SORBS2: variants seen among roughly 807,000 people sequenced by gnomAD.
SORBS2 encodes sorbin and SH3 domain containing 2, also known as sorbin and SH3 domain-containing protein 2.
A neutral mutation model predicts 97.7 loss-of-function variants in SORBS2; 46 were observed. The ratio of observed to expected loss-of-function variants is 0.47; its 90% CI spans 0.37 to 0.60. SORBS2 has a LOEUF of 0.60. SORBS2 is among the 20% of genes least tolerant of loss of function. The pLI, the probability that SORBS2 is intolerant of heterozygous loss-of-function variation, is 0.00. For synonymous variants in SORBS2, 476 were observed against 473.4 expected, an observed-to-expected ratio of 1.01 and a Z score of -0.07; for missense variants, 1,316 against 1,282.3, an observed-to-expected ratio of 1.03 and a Z score of -0.40.
At position 185,769,583 on chromosome 4, in the gene SORBS2, C is replaced by G. The variant is rs111969100; in HGVS notation, c.-198+5644G>C. ...TCGGCTCACGGCAACCTGTGCCTCC[C>G]GGGTTCAAGCAATTCTCCTGCCTCA... On this transcript the variant is annotated intron_variant, in intron 2 of 20. Coordinates refer to the SORBS2 transcript ENST00000284776. Among the ~76,000 whole-genome samples the G allele has an allele frequency of 5.4e-3, 817 of 152,242 alleles. 6 individuals carry two copies. The highest frequency in any genetic ancestry group is 0.019 in the African/African-American group (796 of 41,536).
intron 1 of SORBS2, among the ~76,000 whole-genome samples, chr4:185,891,623 G>A (rs939041612): frequency 6.6e-6 from 1 of 152,076 alleles, no homozygotes; most frequent in African/African-American, 2.4e-5. Context: ...AACCAGCTAT[G>A]AGGCCTCACT....
In SORBS2 at chr4:185,899,223, A is replaced by T. The variant is rs145540318; in HGVS notation, c.-338+56973T>A. 4.1e-3 allele frequency among the ~76,000 whole-genome samples: 625 copies of T among 152,264 alleles called. 3 individuals carry two copies. Among genetic ancestry groups the T allele is most frequent in the Non-Finnish European group, 7.1e-3 (482 of 68,020 alleles). On this transcript the variant is annotated intron_variant, in intron 1 of 20. Coordinates refer to the SORBS2 transcript ENST00000284776. ...AAGCACCAGGTCCGGTCTAGATAAC[A>T]GCATTTGGGACACACAGCGGATAAT...
chr4:185,703,661 T>A (rs1417193749), intron 2 of SORBS2, among the ~76,000 whole-genome samples: 1 of 152,206 alleles, frequency 6.6e-6, no homozygotes, highest in African/African-American at 2.4e-5. Context: ...TTGATTACTG[T>A]TGAGAAATGT....
chr4:185,710,783 C>T (rs1186656801), intron 2 of SORBS2, among the ~76,000 whole-genome samples: 2 of 152,208 alleles, frequency 1.3e-5, no homozygotes. Context: ...GCTCATGCAG[C>T]GTGGGAGGTG....
chr4:185,877,867 C>CAAAAAAAAAAAAAAAAAAAAAA, intron 1 of SORBS2, among the ~76,000 whole-genome samples: 1 of 50,454 alleles, frequency 2.0e-5, no homozygotes. Context: ...GAGACTCTGT[C>CAAAAAAAAAAAAAAAAAAAAAA]AAAAAACAAA....
At position 185,797,390 on chromosome 4, in the gene SORBS2, T is replaced by C. The variant is rs2099109938; in HGVS notation, c.-337-22024A>G. 2.6e-5 allele frequency among the ~76,000 whole-genome samples: 4 copies of C among 152,264 alleles called. No homozygotes were observed. The South Asian group carries it at 8.3e-4, about 32-fold the overall frequency. On this transcript the variant is annotated intron_variant, in intron 1 of 20. Coordinates refer to the SORBS2 transcript ENST00000284776. ...TAATTTGATACTGTTACCAGTTATA[T>C]ATTTTTCACCCACAAATATGATCAT...
At chr4:185,828,741 C>T (rs1479863600) in intron 1 of SORBS2, among the ~76,000 whole-genome samples, 2 of 152,050 alleles carry the variant, frequency 1.3e-5, no homozygotes, top group Admixed American at 1.3e-4. Context: ...CATCAATTGC[C>T]CCTCTACTGC....
chr4:185,683,025 AAAAAG>A (rs1194431714), intron 2 of SORBS2, among the ~76,000 whole-genome samples: 27 of 151,138 alleles, frequency 1.8e-4, no homozygotes, highest in African/African-American at 3.2e-4. Flanking sequence ...AAAAAAAAAA[AAAAAG>A]AAAAGAAAAG....
At chr4:185,955,976 C>T (rs1226036763) in intron 1 of SORBS2, among the ~76,000 whole-genome samples, 1 of 152,094 alleles carries the variant, frequency 6.6e-6, no homozygotes, top group Non-Finnish European at 1.5e-5. Context: ...AGAATCCATC[C>T]TAATAAAAGC....
intron 4 of SORBS2, 21 bp from the exon 8 acceptor site, chr4:185,662,263 T>A (rs2097533655): frequency 1.3e-6 from 2 of 1,579,588 alleles, no homozygotes; most frequent in African/African-American, 2.7e-5. Flanking sequence ...CGCAAAGGCA[T>A]CGAGTTAAAT....
intron 1 of SORBS2, among the ~76,000 whole-genome samples, chr4:185,875,303 T>A (rs2099232915): frequency 6.6e-6 from 1 of 152,224 alleles, no homozygotes; most frequent in South Asian, 2.1e-4. Flanking sequence ...GTTCATTAGC[T>A]TGAGGTGGCC....
At chr4:185,950,665 A>G (rs1196161875) in intron 1 of SORBS2, among the ~76,000 whole-genome samples, 3 of 152,234 alleles carry the variant, frequency 2.0e-5, no homozygotes, top group Non-Finnish European at 4.4e-5. Flanking sequence ...ACACAAGACC[A>G]GGCTGTGAAC....
chr4:185,900,374 A>G (rs2099247083), intron 1 of SORBS2, among the ~76,000 whole-genome samples: 1 of 152,204 alleles, frequency 6.6e-6, no homozygotes, highest in Admixed American at 6.5e-5. Flanking sequence ...CCAGTCAAGT[A>G]CAAGTCCCAG....
intron 1 of SORBS2, among the ~76,000 whole-genome samples, chr4:185,906,388 C>G (rs1165905929): frequency 6.6e-6 from 1 of 152,158 alleles, no homozygotes; most frequent in African/African-American, 2.4e-5. Context: ...TAATATGCCA[C>G]TCTATCCAAA....
At chr4:185,645,155 G>A (rs1173598070) in intron 4 of SORBS2, among the ~76,000 whole-genome samples, 1 of 152,060 alleles carries the variant, frequency 6.6e-6, no homozygotes, top group Non-Finnish European at 1.5e-5. Context: ...GGCTACCAAA[G>A]CATTCCAATA....
chr4:185,906,662 C>A (rs2099251040), intron 1 of SORBS2, among the ~76,000 whole-genome samples: 1 of 152,124 alleles, frequency 6.6e-6, no homozygotes, highest in African/African-American at 2.4e-5. Flanking sequence ...TGACACCTGC[C>A]CACTGTTTAT....
intron 2 of SORBS2, among the ~76,000 whole-genome samples, chr4:185,691,734 G>A (rs2098098779): frequency 6.6e-6 from 1 of 152,128 alleles, no homozygotes; most frequent in African/African-American, 2.4e-5. Flanking sequence ...TGGCAGAAAG[G>A]GGTTGTCTCA....
chr4:185,692,576 A>G (rs2098116417), intron 2 of SORBS2, among the ~76,000 whole-genome samples: 1 of 152,170 alleles, frequency 6.6e-6, no homozygotes, highest in African/African-American at 2.4e-5. Context: ...CTCTTTTGGA[A>G]AGCCTGGCTT....
chr4:185,749,032 C>T (rs1299336035), intron 2 of SORBS2, among the ~76,000 whole-genome samples: 1 of 152,182 alleles, frequency 6.6e-6, no homozygotes, highest in African/African-American at 2.4e-5. Flanking sequence ...AGAAGTATGG[C>T]TCGGCTTGCT....
Sources: allele counts gnomAD v4.1 joint callset (sites outside exome capture counted in the v4.1 genomes callset), GRCh38; gene constraint gnomAD v4.1.1; transcripts MANE v1.5; gene names NCBI Gene and HGNC (gene_info 2026-07-23, HGNC 2026-07-21).